TNR: variants seen among roughly 807,000 people sequenced by gnomAD.
The protein encoded by TNR is tenascin R, also known as tenascin-R.
A neutral mutation model predicts 150.4 loss-of-function variants in TNR; 45 were observed. That is an observed-to-expected ratio of 0.30 (90% CI 0.24 to 0.38). The LOEUF (loss-of-function observed/expected upper bound fraction) is 0.38. Ranked by LOEUF, TNR falls within the 10% of genes least tolerant of loss-of-function variation. TNR has a pLI of 1.00. For synonymous variants in TNR, 687 were observed against 678.4 expected (o/e 1.01, Z -0.20); for missense variants, 1,544 against 1,759.1 (o/e 0.88, Z 2.19).
chr1:175,436,022 G>A (rs998926806), intron 2 of TNR, among the ~76,000 whole-genome samples: 2 of 152,184 alleles, frequency 1.3e-5, no homozygotes, highest in Admixed American at 1.3e-4. Flanking sequence ...TAGTCTGATG[G>A]GCTTCCCTTT....
chr1:175,558,539 T>C (rs1661284482), intron 1 of TNR, among the ~76,000 whole-genome samples: 1 of 152,146 alleles, frequency 6.6e-6, no homozygotes, highest in Non-Finnish European at 1.5e-5. Flanking sequence ...TAACTCAAAG[T>C]CATATTCTGA....
chr1:175,393,150 A>C (rs1229837639), intron 6 of TNR, among the ~76,000 whole-genome samples: 1 of 152,234 alleles, frequency 6.6e-6, no homozygotes, highest in African/African-American at 2.4e-5. Context: ...AATTCGGAAA[A>C]GTTAGTTTTA....
intron 2 of TNR, among the ~76,000 whole-genome samples, chr1:175,430,866 T>C (rs1232538780): frequency 6.6e-6 from 1 of 152,218 alleles, no homozygotes; most frequent in East Asian, 1.9e-4. Flanking sequence ...ATTACTGCAA[T>C]AATGGGTTGT....
At chr1:175,737,700 G>T (rs1006466105) in intron 1 of TNR, among the ~76,000 whole-genome samples, 1 of 152,284 alleles carries the variant, frequency 6.6e-6, no homozygotes, top group Non-Finnish European at 1.5e-5. Context: ...CTGGGTCCTG[G>T]TAATAAACCT....
chr1:175,327,328 G>C (rs186990495), intron 21 of TNR, among the ~76,000 whole-genome samples: 1 of 152,210 alleles, frequency 6.6e-6, no homozygotes, highest in East Asian at 1.9e-4. Context: ...CCTGGTTTCT[G>C]TCTCTCAAAC....
chr1:175,342,880 C>A lies in TNR; in HGVS notation c.3383-5201G>T, dbSNP rs536319130. Among the ~76,000 whole-genome samples, 10 of 152,330 alleles carry A rather than the reference C, an allele frequency of 6.6e-5. No individual in the cohort carries two copies. In the South Asian group the frequency reaches 2.1e-3, roughly 32 times the overall value. On this transcript the variant is annotated intron_variant, in intron 18 of 22. Coordinates refer to ENST00000367674, the MANE Select transcript of TNR (RefSeq NM_003285.3). The stretch of plus-strand genomic sequence containing the variant: ...CTAGAGGAATGTTCTGACATCATTT[C>A]TCTTATTATTCCTTTGATCCACTTA...
At position 175,365,761 on chromosome 1, in the gene TNR, C is replaced by T. The variant is rs1651810042; in HGVS notation, c.2317+114G>A. The T allele has an allele frequency of 3.4e-6, 5 of 1,450,292 alleles. No individual in the cohort carries two copies. The Admixed American group carries it at 1.1e-4, about 31-fold the overall frequency. The allele number at this position is 1,450,292 out of a possible 1,614,324, so 89.8% of individuals were successfully genotyped here. ...TTTTACTCTATCCTTTTCTACCCACCTCTCTTTTCTCCAAAGGAAATGGAA... is the reference window on the plus strand; with the variant it reads ...TTTTACTCTATCCTTTTCTACCCACTTCTCTTTTCTCCAAAGGAAATGGAA... On this transcript the variant is annotated intron_variant, in intron 11 of 22. Coordinates refer to ENST00000367674, the MANE Select transcript of TNR (RefSeq NM_003285.3).
At chr1:175,559,483 C>T (rs1661329732) in intron 1 of TNR, among the ~76,000 whole-genome samples, 2 of 152,116 alleles carry the variant, frequency 1.3e-5, no homozygotes, top group African/African-American at 4.8e-5. Flanking sequence ...TACTACCTAG[C>T]CCTCCCTTTC....
At chr1:175,352,458 C>T (rs1160575168) in intron 18 of TNR, among the ~76,000 whole-genome samples, 2 of 152,130 alleles carry the variant, frequency 1.3e-5, no homozygotes, top group Non-Finnish European at 2.9e-5. Flanking sequence ...AGCTCCAACC[C>T]GTGGGTCTTT....
At chr1:175,607,574 T>C (rs997106718) in intron 1 of TNR, among the ~76,000 whole-genome samples, 1 of 152,216 alleles carries the variant, frequency 6.6e-6, no homozygotes, top group Admixed American at 6.5e-5. Context: ...GACCATATGC[T>C]TGCTCTTCAA....
intron 1 of TNR, among the ~76,000 whole-genome samples, chr1:175,621,027 C>T (rs1344386993): frequency 1.3e-5 from 2 of 152,158 alleles, no homozygotes; most frequent in Admixed American, 1.3e-4. Context: ...AATGCTATGA[C>T]CACGCACCCC....
chr1:175,354,329 T>C, intron 18 of TNR, 62 bp downstream of exon 18: 2 of 1,591,086 alleles, frequency 1.3e-6, no homozygotes, highest in Non-Finnish European at 1.7e-6. Flanking sequence ...CAGCAGAGGC[T>C]GCTGATGAGC....
chr1:175,485,435 C>T (rs1657969647), intron 2 of TNR, among the ~76,000 whole-genome samples: 1 of 152,136 alleles, frequency 6.6e-6, no homozygotes, highest in Non-Finnish European at 1.5e-5. Context: ...AAGGAGCACA[C>T]AGGACATTGG....
rs150280670 is a variant in TNR, at chr1:175,641,847, A to G, written c.-165+101379T>C. Among the ~76,000 whole-genome samples the G allele has an allele frequency of 3.2e-3, 493 of 152,288 alleles. 1 individual carries two copies. Among genetic ancestry groups the G allele is most frequent in the African/African-American group, 0.011 (471 of 41,562 alleles). The stretch of plus-strand genomic sequence containing the variant: ...ATAGCGCAGGTTAAATAAATGAGTT[A>G]TCCGAGGTGCTGGAGTCTATCAGTA... On this transcript the variant is annotated intron_variant, in intron 1 of 22. Transcript: ENST00000367674.
intron 1 of TNR, among the ~76,000 whole-genome samples, chr1:175,609,532 TA>T (rs1663526855): frequency 6.6e-6 from 1 of 152,154 alleles, no homozygotes; most frequent in Admixed American, 6.5e-5. Context: ...CTGGACATAG[TA>T]GTGGTGTCAT....
chr1:175,643,020 A>G (rs746692650), intron 1 of TNR, among the ~76,000 whole-genome samples: 4 of 152,228 alleles, frequency 2.6e-5, no homozygotes. Context: ...AAGAGGGGCA[A>G]GTGATAGTTT....
intron 21 of TNR, among the ~76,000 whole-genome samples, chr1:175,327,284 CAT>C (rs1174337561): frequency 6.6e-6 from 1 of 152,186 alleles, no homozygotes; most frequent in African/African-American, 2.4e-5. Flanking sequence ...ATTTCTGCCT[CAT>C]ATAGCCACCT....
intron 1 of TNR, among the ~76,000 whole-genome samples, chr1:175,562,775 T>A (rs1211013770): frequency 6.6e-6 from 1 of 152,224 alleles, no homozygotes; most frequent in African/African-American, 2.4e-5. Flanking sequence ...TATGTCAAGC[T>A]GCAGGTTTTA....
intron 18 of TNR, among the ~76,000 whole-genome samples, chr1:175,353,851 A>ATTTTTTAT (rs1651187572): frequency 6.8e-6 from 1 of 146,138 alleles, no homozygotes; most frequent in African/African-American, 2.6e-5. Flanking sequence ...ATTTTTATTT[A>ATTTTTTAT]TTTTTTTTTT....
Sources: gnomAD v4.1 joint callset for allele counts (sites outside exome capture counted in the v4.1 genomes callset) on GRCh38, gnomAD v4.1.1 for gene constraint, MANE v1.5 for transcripts, NCBI Gene and HGNC (gene_info 2026-07-23, HGNC 2026-07-21) for gene names.